Variants in AIG1 observed in about 807,000 individuals in gnomAD.
The protein encoded by AIG1 is androgen induced 1, also known as androgen-induced gene 1 protein.
In AIG1, 23 loss-of-function variants were observed where a neutral mutation model predicts 31.4. The observed-to-expected ratio is 0.73, with a 90% CI of 0.53 to 1.04. The LOEUF (loss-of-function observed/expected upper bound fraction) is 1.04, where lower values mean the gene tolerates loss of function less well. Among genes scored for constraint, AIG1 ranks in the 50% least tolerant of loss-of-function variants. AIG1 has a pLI of 0.00. For missense variants in AIG1, 274 were observed against 295.0 expected, an observed-to-expected ratio of 0.93 and a Z score of 0.52; for synonymous variants, 100 against 110.5, an observed-to-expected ratio of 0.90 and a Z score of 0.60.
chr6:143,096,698 T>C (rs1255892544), intron 1 of AIG1, among the ~76,000 whole-genome samples: 5 of 152,254 alleles, frequency 3.3e-5, no homozygotes, highest in Non-Finnish European at 5.9e-5. Flanking sequence ...CATGCTGATA[T>C]GGATGGCCAA....
intron 3 of AIG1, among the ~76,000 whole-genome samples, chr6:143,192,021 T>G (rs1022330777): frequency 1.3e-5 from 2 of 152,186 alleles, no homozygotes; most frequent in Non-Finnish European, 2.9e-5. Flanking sequence ...TGATAAACAG[T>G]AGATTATACA....
In AIG1 at chr6:143,210,631, G is replaced by A. The variant is rs375466474; in HGVS notation, c.399+45448G>A. Among the ~76,000 whole-genome samples, 160 of 152,296 alleles carry A rather than the reference G, an allele frequency of 1.1e-3. 2 individuals carry two copies. Among genetic ancestry groups the A allele is most frequent in the African/African-American group, 3.5e-3 (146 of 41,568 alleles). Reference sequence around the variant, plus strand: ...TTGTAGAAAGGCTGCTTGTATACAGGAAGGAGACTAGTGGGGTCAACCACA... The same window carrying A: ...TTGTAGAAAGGCTGCTTGTATACAGAAAGGAGACTAGTGGGGTCAACCACA... On this transcript the variant is annotated intron_variant, in intron 3 of 5. Transcript: ENST00000357847.
chr6:143,295,360 G>A (rs1798352061), intron 4 of AIG1, among the ~76,000 whole-genome samples: 1 of 152,104 alleles, frequency 6.6e-6, no homozygotes, highest in Non-Finnish European at 1.5e-5. Context: ...CTACTCCCTT[G>A]CTCCAAGACT....
At chr6:143,243,025 AT>A (rs2128640769) in intron 3 of AIG1, among the ~76,000 whole-genome samples, 1 of 152,178 alleles carries the variant, frequency 6.6e-6, no homozygotes, top group Admixed American at 6.5e-5. Flanking sequence ...TGCCAACATT[AT>A]TTCCATCCTA....
intron 4 of AIG1, among the ~76,000 whole-genome samples, chr6:143,313,254 A>C (rs1420993820): frequency 6.6e-6 from 1 of 152,190 alleles, no homozygotes; most frequent in Non-Finnish European, 1.5e-5. Context: ...CTGCACTCCC[A>C]TGTTTATTGC....
intron 1 of AIG1, among the ~76,000 whole-genome samples, chr6:143,136,620 A>C (rs1000777969): frequency 1.3e-5 from 2 of 152,126 alleles, no homozygotes; most frequent in Non-Finnish European, 2.9e-5. Flanking sequence ...ACTTGTCCCG[A>C]GGTGAGTGAA....
intron 1 of AIG1, among the ~76,000 whole-genome samples, chr6:143,093,335 C>T (rs1216048061): frequency 2.0e-5 from 3 of 152,232 alleles, no homozygotes; most frequent in Non-Finnish European, 4.4e-5. Flanking sequence ...GAATCGACCT[C>T]TGCTAGCTTC....
chr6:143,224,051 G>A (rs188630538), intron 3 of AIG1, among the ~76,000 whole-genome samples: 1 of 152,286 alleles, frequency 6.6e-6, no homozygotes, highest in Non-Finnish European at 1.5e-5. Flanking sequence ...GGCCACTGCA[G>A]GAATCTGAGC....
At chr6:143,218,283 G>A (rs763350469) in intron 3 of AIG1, among the ~76,000 whole-genome samples, 3 of 152,076 alleles carry the variant, frequency 2.0e-5, no homozygotes, top group South Asian at 2.1e-4. Context: ...AATTTCCAAC[G>A]TTGTGAAAAT....
intron 1 of AIG1, among the ~76,000 whole-genome samples, chr6:143,111,436 T>A (rs779385158): frequency 6.6e-6 from 1 of 152,230 alleles, no homozygotes; most frequent in Non-Finnish European, 1.5e-5. Flanking sequence ...CCTGGTCTCC[T>A]TCCTACCTCT....
In AIG1 at chr6:143,284,575, G is replaced by C. The variant is rs1294001047; in HGVS notation, c.515+350G>C. On this transcript the variant is annotated intron_variant, in intron 4 of 5. Coordinates refer to ENST00000357847, the MANE Select transcript of AIG1 (RefSeq NM_016108.4). The surrounding 1 kb of genome is among the most constrained non-coding windows in gnomAD (Gnocchi z 4.4). ...TTGTTGCTTTTGTTGGGGGGCAGGG[G>C]AGTTGCAGCAAACACAAATGAGAAC... is the stretch of plus-strand genomic sequence containing the variant. 6.6e-6 allele frequency among the ~76,000 whole-genome samples: 1 copy of C among 152,094 alleles called. No individual in the cohort carries two copies. The highest frequency in any genetic ancestry group is 2.1e-4 in the South Asian group (1 of 4,830).
At chr6:143,146,167 G>A (rs1784687497) in intron 2 of AIG1, among the ~76,000 whole-genome samples, 1 of 151,864 alleles carries the variant, frequency 6.6e-6, no homozygotes, top group South Asian at 2.1e-4. Context: ...ATGTCCTATA[G>A]ATCATTTCAC....
chr6:143,139,095 T>C (rs1197007117), intron 2 of AIG1, among the ~76,000 whole-genome samples: 1 of 152,140 alleles, frequency 6.6e-6, no homozygotes, highest in East Asian at 1.9e-4. Flanking sequence ...TGCACCTGCC[T>C]GAAGCTTGAA....
At chr6:143,255,486 G>T (rs543580508) in intron 3 of AIG1, among the ~76,000 whole-genome samples, 1 of 152,244 alleles carries the variant, frequency 6.6e-6, no homozygotes, top group South Asian at 2.1e-4. Context: ...GTCCTATAAA[G>T]TTACCAGCCC....
In AIG1 at chr6:143,109,748, C is replaced by T. The variant is rs75023707; in HGVS notation, c.142-27087C>T. On this transcript the variant is annotated intron_variant, in intron 1 of 5. Transcript: ENST00000357847. ...CTGGGTAGTCTTTCTTTTACTCTGGCTTGTAGAAGGCAAGTTTTAAAAAAA... is the reference window on the plus strand; with the variant it reads ...CTGGGTAGTCTTTCTTTTACTCTGGTTTGTAGAAGGCAAGTTTTAAAAAAA... 4.3e-4 allele frequency among the ~76,000 whole-genome samples: 65 copies of T among 152,102 alleles called. No homozygotes were observed. The East Asian group carries it at 9.9e-3, about 23-fold the overall frequency.
rs1374391336 is a variant in AIG1 at position 143,299,241 on chromosome 6, A to G, written c.515+15016A>G. The G allele has an allele frequency of 6.6e-6, 1 of 152,224 alleles. No homozygotes were observed. The highest frequency in any genetic ancestry group is 3.2e-3 in the Middle Eastern group (1 of 316). The allele number at this position is 152,224 out of a possible 1,614,324, so 9.4% of individuals were successfully genotyped here. ...AGCAGTACCACTTCTCCTTAGCATC[A>G]TGTACAATTTCTTCTCTGCTGTGAT... On this transcript the variant is annotated intron_variant, in intron 4 of 5. Coordinates refer to ENST00000357847, the MANE Select transcript of AIG1 (RefSeq NM_016108.4). This position sits in a 1 kb window ranked among gnomAD's most constrained non-coding sequence, Gnocchi z 4.1.
At chr6:143,153,257 C>G (rs1429195245) in intron 2 of AIG1, among the ~76,000 whole-genome samples, 1 of 152,232 alleles carries the variant, frequency 6.6e-6, no homozygotes, top group Non-Finnish European at 1.5e-5. Flanking sequence ...TAAGTCACTG[C>G]TACTTCTCTT....
intron 3 of AIG1, chr6:143,190,113 C>T: frequency 1.1e-6 from 1 of 931,618 alleles, no homozygotes. Flanking sequence ...GGGCCATCTC[C>T]TAATGCTATA....
chr6:143,293,192 C>CT lies in AIG1; in HGVS notation c.515+8974dup, dbSNP rs1031520746. 6.6e-6 allele frequency among the ~76,000 whole-genome samples: 1 copy of CT among 152,012 alleles called. No homozygotes were observed. The highest frequency in any genetic ancestry group is 1.5e-5 in the Non-Finnish European group (1 of 67,958). Reference sequence around the variant, plus strand: ...AGACCCTAGGAGAAAGGCTCATTTTCTTTTTTTCTCTCTCTCTCTTCCCCG... The same window carrying CT: ...AGACCCTAGGAGAAAGGCTCATTTTCTTTTTTTTCTCTCTCTCTCTTCCCCG... On this transcript the variant is annotated intron_variant, in intron 4 of 5. Coordinates refer to ENST00000357847, the MANE Select transcript of AIG1 (RefSeq NM_016108.4). The surrounding 1 kb of genome is among the most constrained non-coding windows in gnomAD (Gnocchi z 4.8).
Sources: gnomAD v4.1 joint callset for allele counts (sites outside exome capture counted in the v4.1 genomes callset) on GRCh38, gnomAD v4.1.1 for gene constraint, Gnocchi (gnomAD v3.1) non-coding constraint, MANE v1.5 for transcripts, NCBI Gene and HGNC (gene_info 2026-07-23, HGNC 2026-07-21) for gene names.